ATL2: variants seen among roughly 807,000 people sequenced by gnomAD.
ATL2 encodes atlastin GTPase 2.
ATL2 carries 31 observed loss-of-function variants against 73.9 expected under a neutral mutation model. The ratio of observed to expected loss-of-function variants is 0.42; its 90% confidence interval spans 0.32 to 0.57. The LOEUF is 0.57. ATL2 is among the 20% of genes least tolerant of loss of function. The pLI, the probability that ATL2 is intolerant of heterozygous loss-of-function variation, is 0.14. For synonymous variants in ATL2, 291 were observed against 237.5 expected, an observed-to-expected ratio of 1.23 and a Z score of -2.07; for missense variants, 738 against 702.6, an observed-to-expected ratio of 1.05 and a Z score of -0.57.
intron 12 of ATL2, chr2:38,296,555 T>G: frequency 1.2e-6 from 2 of 1,614,112 alleles, no homozygotes; most frequent in Non-Finnish European, 1.7e-6. Context: ...GGTGAACCAT[T>G]CGACGTCTAG....
At chr2:38,343,977 T>A (rs952004464) in intron 1 of ATL2, among the ~76,000 whole-genome samples, 10 of 152,176 alleles carry the variant, frequency 6.6e-5, no homozygotes, top group African/African-American at 2.4e-4. Flanking sequence ...AAACTTTGAT[T>A]CCATTAAACC....
chr2:38,324,503 C>T (rs1435143016), intron 2 of ATL2, among the ~76,000 whole-genome samples: 2 of 152,196 alleles, frequency 1.3e-5, no homozygotes, highest in African/African-American at 2.4e-5. Flanking sequence ...TGTGAGAATA[C>T]TCTGCAAGTC....
intron 1 of ATL2, chr2:38,376,444 A>T: frequency 3.2e-6 from 1 of 314,134 alleles, no homozygotes; most frequent in Non-Finnish European, 5.7e-6. Flanking sequence ...AGTGACTCGT[A>T]AACGGCTCAT....
intron 1 of ATL2, chr2:38,376,394 T>C (rs1671968463): frequency 4.0e-6 from 2 of 499,954 alleles, no homozygotes; most frequent in East Asian, 6.2e-5. Context: ...GACTTCACAC[T>C]ACAGACACTT....
intron 4 of ATL2, among the ~76,000 whole-genome samples, chr2:38,317,692 G>T (rs1209702302): frequency 6.6e-6 from 1 of 151,634 alleles, no homozygotes; most frequent in Non-Finnish European, 1.5e-5. Flanking sequence ...TAATTACCTG[G>T]GTTTTTTGTT....
At chr2:38,356,481 C>T (rs1488228620) in intron 1 of ATL2, among the ~76,000 whole-genome samples, 2 of 152,160 alleles carry the variant, frequency 1.3e-5, no homozygotes, top group African/African-American at 4.8e-5. Flanking sequence ...GCATGAGCCA[C>T]CACGCCTGGC....
chr2:38,306,368 G>A (rs1350652349), intron 9 of ATL2, among the ~76,000 whole-genome samples: 26 of 152,086 alleles, frequency 1.7e-4, no homozygotes, highest in Admixed American at 1.7e-3. Context: ...GAGGAGGAGG[G>A]AATATTTCCA....
chr2:38,309,318 A>G (rs1667616519), intron 9 of ATL2, 61 bp downstream of exon 9: 7 of 1,482,964 alleles, frequency 4.7e-6, no homozygotes, highest in East Asian at 2.3e-5. Flanking sequence ...TTATACATAC[A>G]GATGAGTTTT....
Position 38,369,226 on chromosome 2 carries a change from G to A in ATL2, c.118+7917C>T, listed in dbSNP as rs747906159. 5.3e-5 allele frequency among the ~76,000 whole-genome samples: 8 copies of A among 151,952 alleles called. No homozygotes were observed. In the South Asian group the frequency reaches 6.2e-4, roughly 12 times the overall value. On this transcript the variant is annotated intron_variant, in intron 1 of 12. Transcript: ENST00000378954. ...GCACTTTGGGAGGCCAAGGTGGGTG[G>A]ATCACCTGAGGTCAGGAGTTCAAGA...
Position 38,298,561 on chromosome 2 carries a change from G to T in ATL2, c.1215C>A (p.Asp405Glu), listed in dbSNP as rs760398662. Residue 405 changes from aspartate (D) to glutamate (E), a missense_variant, in exon 12 of 13, where the codon GAC becomes GAA. Asp to Glu is a conservative substitution (Grantham distance 45). Coordinates refer to ENST00000378954, the MANE Select transcript of ATL2 (RefSeq NM_001135673.4). ...CKSMEQVCGG[D>E]KPYIAPSDLE... ...GATCTGAAGGTGCAATGTAAGGCTT[G>T]TCCCCTCCACATACCTGGACAGACA... 4.3e-6 allele frequency: 7 copies of T among 1,613,682 alleles called. No homozygotes were observed. In the African/African-American group the frequency reaches 5.3e-5, roughly 12 times the overall value.
intron 1 of ATL2, among the ~76,000 whole-genome samples, chr2:38,366,341 C>T (rs976635069): frequency 4.6e-5 from 7 of 152,208 alleles, no homozygotes; most frequent in Non-Finnish European, 7.3e-5. Flanking sequence ...TATTTGGCTA[C>T]AGGAAAATAG....
intron 1 of ATL2, chr2:38,358,578 G>C: frequency 3.1e-6 from 1 of 318,680 alleles, no homozygotes; most frequent in Non-Finnish European, 6.6e-6. Flanking sequence ...TGTAGTCCCA[G>C]ATACTCAGGA....
intron 1 of ATL2, among the ~76,000 whole-genome samples, chr2:38,373,485 C>A (rs1055672686): frequency 6.6e-6 from 1 of 152,144 alleles, no homozygotes; most frequent in Non-Finnish European, 1.5e-5. Context: ...AGACCAAATC[C>A]AAGGTCAATC....
intron 2 of ATL2, among the ~76,000 whole-genome samples, chr2:38,332,066 G>C (rs1669028043): frequency 6.6e-6 from 1 of 152,108 alleles, no homozygotes; most frequent in South Asian, 2.1e-4. Flanking sequence ...AGTCACAAAA[G>C]ACCACATTTT....
chr2:38,334,046 T>TTG (rs386389967), intron 2 of ATL2, among the ~76,000 whole-genome samples: 2 of 150,114 alleles, frequency 1.3e-5, no homozygotes, highest in African/African-American at 4.9e-5. Context: ...TTTTTTTTTT[T>TTG]TGAGACAGAG....
At chr2:38,310,826 AG>A (rs1322231980) in intron 7 of ATL2, among the ~76,000 whole-genome samples, 1 of 151,648 alleles carries the variant, frequency 6.6e-6, no homozygotes, top group Non-Finnish European at 1.5e-5. Context: ...TAGTAGAGAC[AG>A]GGTTGGTCAG....
intron 1 of ATL2, among the ~76,000 whole-genome samples, chr2:38,359,235 C>T (rs913470939): frequency 1.9e-4 from 29 of 151,968 alleles, no homozygotes; most frequent in Non-Finnish European, 7.4e-5. Flanking sequence ...TTTGGGAGGC[C>T]GAGGTGGGTG....
intron 1 of ATL2, chr2:38,376,465 T>C: frequency 3.8e-6 from 1 of 263,554 alleles, no homozygotes; most frequent in Non-Finnish European, 7.1e-6. Flanking sequence ...AACCCCAGTT[T>C]GACACGAAAA....
chr2:38,299,228 G>A (rs756572087), intron 11 of ATL2, 28 bp downstream of exon 11: 3 of 1,482,488 alleles, frequency 2.0e-6, no homozygotes, highest in Non-Finnish European at 2.7e-6. Flanking sequence ...TCTCACTCCA[G>A]CATCAAATTT....
Sources: gnomAD v4.1 joint callset for allele counts (sites outside exome capture counted in the v4.1 genomes callset) on GRCh38, gnomAD v4.1.1 for gene constraint, MANE v1.5 for transcripts, NCBI Gene and HGNC (gene_info 2026-07-23, HGNC 2026-07-21) for gene names.